The following PXMP4 variants were observed in gnomAD, a reference collection of about 807,000 sequenced individuals.
PXMP4 encodes peroxisomal membrane protein 4, also known as 24 kDa peroxisomal intrinsic membrane protein.
Under a neutral mutation model 21.6 loss-of-function variants are expected in PXMP4, and 16 were observed. The ratio of observed to expected loss-of-function variants is 0.74; its 90% CI spans 0.50 to 1.13. PXMP4 has a LOEUF of 1.13. Among genes scored for constraint, PXMP4 ranks in the 50% most tolerant of loss-of-function variants. The pLI is 0.00. For missense variants in PXMP4, 240 were observed against 277.7 expected, an observed-to-expected ratio of 0.86 and a Z score of 0.96; for synonymous variants, 127 against 123.8, an observed-to-expected ratio of 1.03 and a Z score of -0.17.
chr20:33,717,639 C>CAAAAAAAAAAAAAAAA (rs10666719), intron 1 of PXMP4, among the ~76,000 whole-genome samples: 5 of 56,542 alleles, frequency 8.8e-5, no homozygotes, highest in African/African-American at 4.2e-4. Context: ...GACTCCGTCT[C>CAAAAAAAAAAAAAAAA]AAAAAAAAAA....
intron 2 of PXMP4, 100 bp from the exon 3 acceptor site, chr20:33,710,853 G>T: frequency 2.5e-6 from 3 of 1,195,052 alleles, no homozygotes; most frequent in Non-Finnish European, 3.5e-6. Flanking sequence ...GGAGCTCGGA[G>T]TAATGCTCAT....
At chr20:33,716,114 G>A (rs1796541127) in intron 1 of PXMP4, among the ~76,000 whole-genome samples, 1 of 152,046 alleles carries the variant, frequency 6.6e-6, no homozygotes, top group South Asian at 2.1e-4. Flanking sequence ...AAAGTGCTGG[G>A]ATTACAGGCG....
chr20:33,719,899 G>A (rs1166503681), intron 1 of PXMP4, among the ~76,000 whole-genome samples, 196 bp downstream of exon 1: 1 of 152,234 alleles, frequency 6.6e-6, no homozygotes, highest in Non-Finnish European at 1.5e-5. Flanking sequence ...TGTGCAGTGG[G>A]AGCCCCAGTT....
chr20:33,718,111 G>A (rs2018403127), intron 1 of PXMP4, among the ~76,000 whole-genome samples: 1 of 152,028 alleles, frequency 6.6e-6, no homozygotes, highest in African/African-American at 2.4e-5. Context: ...TAAAAATCCT[G>A]ACAGCCTCCT....
rs918398080 is a variant in PXMP4, at chr20:33,705,966, C to A, written c.*1740G>T. On this transcript the variant is annotated 3_prime_UTR_variant, in exon 4 of 4. Transcript: ENST00000409299. The stretch of plus-strand genomic sequence containing the variant: ...TTTTAGACACAGTCTCGCTCTGTGG[C>A]CCAGGCTGGAGTGCAGTCGTGCGAT... 4.0e-5 allele frequency: 6 copies of A among 151,814 alleles called. No individual in the cohort carries two copies. The highest frequency in any genetic ancestry group is 2.0e-4 in the Admixed American group (3 of 15,224). 9.4% of individuals were successfully genotyped at this position (151,814 alleles called of 1,614,324 possible).
Position 33,707,545 on chromosome 20 carries a change from A to T in PXMP4, c.*161T>A. 1 of 1,038,304 alleles carries T rather than the reference A, an allele frequency of 9.6e-7. No homozygotes were observed. Among genetic ancestry groups the T allele is most frequent in the Non-Finnish European group, 1.4e-6 (1 of 730,292 alleles). The allele number at this position is 1,038,304 out of a possible 1,614,324, so 64.3% of individuals were successfully genotyped here. ...GCCACTTGTGCCACCATACAAAGGTACCCACTGGGATTTTAAAATCAGTGT... is the reference window on the plus strand; with the variant it reads ...GCCACTTGTGCCACCATACAAAGGTTCCCACTGGGATTTTAAAATCAGTGT... On this transcript the variant is annotated 3_prime_UTR_variant, in exon 4 of 4. Coordinates refer to ENST00000409299, the MANE Select transcript of PXMP4 (RefSeq NM_007238.5).
rs989715399 is a variant in PXMP4 at position 33,704,934 on chromosome 20, T to C, written c.*2772A>G. ...TATCTACCAGACCAATGGTCTCAAA[T>C]TGGTAGCCCATGGACCAGATTTTCC... On this transcript the variant is annotated 3_prime_UTR_variant, in exon 4 of 4. Transcript: ENST00000409299. The C allele has an allele frequency of 6.6e-5, 10 of 152,014 alleles. No individual in the cohort carries two copies. The highest frequency in any genetic ancestry group is 1.9e-4 in the African/African-American group (8 of 41,372). 9.4% of individuals were successfully genotyped at this position (152,014 alleles called of 1,614,324 possible).
rs2018218152 is a variant in PXMP4 at position 33,702,838 on chromosome 20, T to A, written c.*4868A>T. 1 of 152,142 alleles carries A rather than the reference T, an allele frequency of 6.6e-6. No individual in the cohort carries two copies. The highest frequency in any genetic ancestry group is 6.6e-5 in the Admixed American group (1 of 15,266). 9.4% of individuals were successfully genotyped at this position (152,142 alleles called of 1,614,324 possible). On this transcript the variant is annotated 3_prime_UTR_variant, in exon 4 of 4. Coordinates refer to ENST00000409299, the MANE Select transcript of PXMP4 (RefSeq NM_007238.5). ...GTAGCAGGTGTTTAGTAAGTAGAGG[T>A]TAAACCATTCTATTTCAGGAACTAG...
At chr20:33,708,014 G>A (rs763892949) in intron 3 of PXMP4, 45 bp from the exon 4 acceptor site, 36 of 1,565,814 alleles carry the variant, frequency 2.3e-5, no homozygotes, top group Non-Finnish European at 2.7e-5. Context: ...CAATAGTGAT[G>A]TCCCTCTTTT....
At chr20:33,717,596 C>G (rs1050143196) in intron 1 of PXMP4, among the ~76,000 whole-genome samples, 1 of 135,506 alleles carries the variant, frequency 7.4e-6, no homozygotes, top group Admixed American at 7.6e-5. Context: ...GCCGAGATCG[C>G]GCCACTGCAC....
In PXMP4 at chr20:33,720,226, G is replaced by C. The variant is rs1349938016; in HGVS notation, c.-19C>G. 6.3e-7 allele frequency: 1 copy of C among 1,598,084 alleles called. No homozygotes were observed. Among genetic ancestry groups the C allele is most frequent in the East Asian group, 2.3e-5 (1 of 43,706 alleles). On this transcript the variant is annotated 5_prime_UTR_variant, in exon 1 of 4. Transcript: ENST00000409299. ...CTGCCATAGTGCGGGCTGCGCGCAG[G>C]GTCGGGGTTAGGAACTGTAAGCGCA...
chr20:33,715,670 G>A (rs983036686), intron 1 of PXMP4, among the ~76,000 whole-genome samples: 1 of 151,806 alleles, frequency 6.6e-6, no homozygotes, highest in Non-Finnish European at 1.5e-5. Context: ...CAGGTGATCT[G>A]CCCGCCTTGG....
chr20:33,713,462 CT>C (rs2122587622), intron 2 of PXMP4, among the ~76,000 whole-genome samples: 1 of 152,322 alleles, frequency 6.6e-6, no homozygotes, highest in Admixed American at 6.5e-5. Flanking sequence ...TTCTGATGCC[CT>C]TTCCCTTTTT....
intron 1 of PXMP4, among the ~76,000 whole-genome samples, chr20:33,716,276 G>A (rs1469451977): frequency 2.0e-5 from 3 of 152,070 alleles, no homozygotes; most frequent in Non-Finnish European, 2.9e-5. Flanking sequence ...TATAGCCTTG[G>A]CCCCTGCTCA....
chr20:33,720,194 G>A lies in PXMP4; in HGVS notation c.14C>T (p.Pro5Leu), dbSNP rs757326098. The stretch of plus-strand genomic sequence containing the variant: ...GACTACGAGCAGAGCCCTTAGCTGC[G>A]GCGGGGCTGCCATAGTGCGGGCTGC... MAAP[P>L]QLRALLVVVN... The change falls in exon 1 of 4, where the codon CCG (proline) becomes CTG (leucine). Residue 5 changes from proline (P) to leucine (L), a missense_variant. By Grantham distance (98) the Pro-to-Leu change is moderately conservative. Coordinates refer to ENST00000409299, the MANE Select transcript of PXMP4 (RefSeq NM_007238.5). 1.9e-6 allele frequency: 3 copies of A among 1,610,460 alleles called. No individual in the cohort carries two copies. The South Asian group carries it at 3.3e-5, about 18-fold the overall frequency.
chr20:33,708,505 TA>T (rs1487287416), intron 3 of PXMP4, among the ~76,000 whole-genome samples: 1 of 151,802 alleles, frequency 6.6e-6, no homozygotes, highest in Non-Finnish European at 1.5e-5. Context: ...CACTTATTTT[TA>T]TTGCTTCTTT....
Position 33,714,659 on chromosome 20 carries a change from T to C in PXMP4, c.176+15A>G. Reference sequence around the variant, plus strand: ...AGGGCTGACCACATTCTCTCCCAGTTTGAGGGATGTGTACCTGCCATTCCG... The same window carrying C: ...AGGGCTGACCACATTCTCTCCCAGTCTGAGGGATGTGTACCTGCCATTCCG... On this transcript the variant is annotated intron_variant, in intron 2 of 3. Transcript: ENST00000409299. The C allele has an allele frequency of 6.2e-7, 1 of 1,612,338 alleles. No individual in the cohort carries two copies. The highest frequency in any genetic ancestry group is 1.3e-5 in the African/African-American group (1 of 74,990).
At chr20:33,713,211 T>A (rs1354864400) in intron 2 of PXMP4, among the ~76,000 whole-genome samples, 1 of 152,058 alleles carries the variant, frequency 6.6e-6, no homozygotes, top group Non-Finnish European at 1.5e-5. Context: ...CCAACCCAGG[T>A]CAAGCTGTGA....
intron 1 of PXMP4, among the ~76,000 whole-genome samples, chr20:33,718,253 G>C (rs2018404580): frequency 6.6e-6 from 1 of 152,142 alleles, no homozygotes; most frequent in Admixed American, 6.6e-5. Flanking sequence ...GCTCACGCCT[G>C]TAATCCCAGC....
Sources: allele counts gnomAD v4.1 joint callset (sites outside exome capture counted in the v4.1 genomes callset), GRCh38; gene constraint gnomAD v4.1.1; transcripts MANE v1.5; gene names NCBI Gene and HGNC (gene_info 2026-07-23, HGNC 2026-07-21).